The following SLC41A3 variants were observed in gnomAD, a reference collection of about 807,000 sequenced individuals.
The protein encoded by SLC41A3 is solute carrier family 41 member 3, also known as SLC41A1-like 2.
A neutral mutation model predicts 45.4 loss-of-function variants in SLC41A3; 44 were observed. The ratio of observed to expected loss-of-function variants is 0.97; its 90% CI spans 0.76 to 1.25. The LOEUF (loss-of-function observed/expected upper bound fraction) is 1.25, where lower values mean the gene tolerates loss of function less well. Among genes scored for constraint, SLC41A3 ranks in the 50% most tolerant of loss-of-function variants. SLC41A3 has a pLI of 0.00. For synonymous variants in SLC41A3, 256 were observed against 252.4 expected (o/e 1.01, Z -0.13); for missense variants, 550 against 600.6 (o/e 0.92, Z 0.88).
chr3:126,044,921 A>AAAAAAAAAAAAC (rs1334872530), intron 3 of SLC41A3, among the ~76,000 whole-genome samples: 1 of 146,468 alleles, frequency 6.8e-6, no homozygotes, highest in Non-Finnish European at 1.5e-5. Flanking sequence ...AAAAAAAAAA[A>AAAAAAAAAAAAC]AAATCATACA....
At chr3:126,027,584 T>TG (rs1303879787) in intron 4 of SLC41A3, among the ~76,000 whole-genome samples, 2 of 151,830 alleles carry the variant, frequency 1.3e-5, no homozygotes, top group African/African-American at 4.8e-5. Context: ...TACTGAAGAG[T>TG]GGGGCACTGT....
intron 1 of SLC41A3, 57 bp from the exon 2 acceptor site, chr3:126,068,303 A>C (rs1576350150): frequency 7.0e-7 from 1 of 1,428,954 alleles, no homozygotes. Flanking sequence ...TGGCGCTAAC[A>C]CCCAAGGAGC....
intron 1 of SLC41A3, among the ~76,000 whole-genome samples, chr3:126,100,956 A>G (rs1077621): frequency 0.17 from 26,102 of 152,272 alleles, 2,374 homozygotes; most frequent in Middle Eastern, 0.27. Context: ...GGCGAGACAT[A>G]AACGTTCTCA....
chr3:126,064,007 T>C (rs1306438133), intron 2 of SLC41A3, among the ~76,000 whole-genome samples: 1 of 140,692 alleles, frequency 7.1e-6, no homozygotes. Flanking sequence ...TCTGTTGCCC[T>C]TCCTGGACAA....
At chr3:126,064,422 A>C (rs1325147975) in intron 2 of SLC41A3, among the ~76,000 whole-genome samples, 2 of 151,832 alleles carry the variant, frequency 1.3e-5, no homozygotes, top group Non-Finnish European at 2.9e-5. Flanking sequence ...CTGCTGACTC[A>C]CTCTGCTCCC....
intron 1 of SLC41A3, among the ~76,000 whole-genome samples, chr3:126,075,953 T>G (rs1409488032): frequency 6.6e-6 from 1 of 152,148 alleles, no homozygotes; most frequent in Non-Finnish European, 1.5e-5. Context: ...ATATCTGAAG[T>G]ACAAGCAACC....
At chr3:126,046,899 T>C (rs141441922) in intron 3 of SLC41A3, among the ~76,000 whole-genome samples, 8,133 of 150,234 alleles carry the variant, frequency 0.054, 702 homozygotes, top group African/African-American at 0.18. Context: ...GAGGTGGAGG[T>C]TGCAGTGAGT....
rs551427352 is a variant in SLC41A3, at chr3:126,068,015, C to T, written c.205G>A (p.Val69Met). ...RETTWSIGLQ[V>M]TVPFMFAGLG... ...CCTGCAAACATGAAGGGCACGGTCA[C>T]CTGAAGGCCTATGGACCAGGTGGTC... is the stretch of plus-strand genomic sequence containing the variant. The change falls in exon 2 of 11, where the codon GTG becomes ATG. Residue 69 changes from valine (V) to methionine (M), a missense_variant. Transcript: ENST00000360370. 12 of 1,613,958 alleles carry T rather than the reference C, an allele frequency of 7.4e-6. No homozygotes were observed. In the East Asian group the frequency reaches 2.7e-4, roughly 36 times the overall value.
At chr3:126,064,533 T>G (rs1008479282) in intron 2 of SLC41A3, among the ~76,000 whole-genome samples, 9 of 151,950 alleles carry the variant, frequency 5.9e-5, no homozygotes, top group African/African-American at 2.2e-4. Flanking sequence ...AGGTGTTGAG[T>G]GTCCACCATC....
intron 1 of SLC41A3, chr3:126,079,172 G>GA (rs1357832843): frequency 6.7e-6 from 1 of 149,814 alleles, no homozygotes; most frequent in Admixed American, 6.7e-5. Flanking sequence ...AAAAAAATTT[G>GA]AACCTAAATC....
chr3:126,037,919 C>T (rs1454449076), intron 3 of SLC41A3, among the ~76,000 whole-genome samples: 1 of 152,212 alleles, frequency 6.6e-6, no homozygotes, highest in Non-Finnish European at 1.5e-5. Context: ...GGCCAGGGCA[C>T]TGCTTCCCTA....
intron 9 of SLC41A3, among the ~76,000 whole-genome samples, chr3:126,010,971 G>T (rs1939644983): frequency 1.3e-5 from 2 of 152,204 alleles, no homozygotes; most frequent in South Asian, 4.1e-4. Flanking sequence ...ATTCAAACAT[G>T]ATCCAAAGTC....
At chr3:126,088,643 A>G (rs995853434), upstream of SLC41A3, among the ~76,000 whole-genome samples, 3 of 152,238 alleles carry the variant, frequency 2.0e-5, no homozygotes, top group Admixed American at 6.5e-5. Context: ...AGCCAGAGCA[A>G]CAAAAGTTAA....
At chr3:126,033,558 A>G in intron 4 of SLC41A3, 49 bp downstream of exon 4, 9 of 1,590,736 alleles carry the variant, frequency 5.7e-6, no homozygotes, top group Non-Finnish European at 7.7e-6. Flanking sequence ...CACCTGGGGA[A>G]GCCTGGCTGC....
chr3:126,077,894 A>C (rs748155046), intron 1 of SLC41A3, among the ~76,000 whole-genome samples: 19 of 152,146 alleles, frequency 1.2e-4, no homozygotes, highest in Admixed American at 2.6e-4. Flanking sequence ...TGCAGTGGGG[A>C]CAGGGCACAG....
intron 1 of SLC41A3, among the ~76,000 whole-genome samples, chr3:126,091,868 T>C (rs1280207735): frequency 6.6e-6 from 1 of 152,242 alleles, no homozygotes; most frequent in Non-Finnish European, 1.5e-5. Context: ...GAGTCTGCTC[T>C]GTCAATCTGA....
In SLC41A3 at chr3:126,016,822, C is replaced by A. The variant is rs1324743489; in HGVS notation, c.799G>T (p.Val267Leu). Residue 267 changes from valine to leucine, a missense_variant, in exon 7 of 11, where the codon GTG (valine) becomes TTG (leucine). Physicochemically the swap from Val to Leu is conservative, Grantham distance 32. Coordinates refer to ENST00000360370, the MANE Select transcript of SLC41A3 (RefSeq NM_017836.4). Reference protein sequence around the residue: ...VCLSFAALTPVWVLIAKQSPP... With the variant: ...VCLSFAALTPLWVLIAKQSPP... Reference sequence around the variant, plus strand: ...CTCTGCTTGGCAATGAGGACCCACACTGGGGTCAGAGCCGCAAAGCTGAGG... The same window carrying A: ...CTCTGCTTGGCAATGAGGACCCACAATGGGGTCAGAGCCGCAAAGCTGAGG... 6.2e-7 allele frequency: 1 copy of A among 1,612,578 alleles called. No homozygotes were observed. Among genetic ancestry groups the A allele is most frequent in the South Asian group, 1.1e-5 (1 of 90,672 alleles).
intron 4 of SLC41A3, among the ~76,000 whole-genome samples, chr3:126,028,479 G>A (rs6809541): frequency 0.054 from 8,296 of 152,348 alleles, 709 homozygotes; most frequent in African/African-American, 0.18. Flanking sequence ...CAGAGCCTCC[G>A]CCTGGATTTC....
intron 2 of SLC41A3, among the ~76,000 whole-genome samples, chr3:126,062,961 T>C (rs1157548939): frequency 6.6e-6 from 1 of 152,126 alleles, no homozygotes; most frequent in Non-Finnish European, 1.5e-5. Flanking sequence ...CCTCAAGCCC[T>C]GGAGTCTACA....
Sources: allele counts gnomAD v4.1 joint callset (sites outside exome capture counted in the v4.1 genomes callset), GRCh38; gene constraint gnomAD v4.1.1; transcripts MANE v1.5; gene names NCBI Gene and HGNC (gene_info 2026-07-23, HGNC 2026-07-21).